Variants in TENM2 observed in about 807,000 individuals in gnomAD.
The protein encoded by TENM2 is teneurin transmembrane protein 2.
Under a neutral mutation model 245.2 loss-of-function variants are expected in TENM2, and 52 were observed. The observed-to-expected ratio is 0.21, with a 90% confidence interval of 0.17 to 0.27. TENM2 has a LOEUF of 0.27. Among genes scored for constraint, TENM2 ranks in the 10% least tolerant of loss-of-function variants. The pLI is 1.00. For missense variants in TENM2, 3,046 were observed against 3,666.8 expected, an observed-to-expected ratio of 0.83 and a Z score of 4.37; for synonymous variants, 1,363 against 1,438.9, an observed-to-expected ratio of 0.95 and a Z score of 1.19.
the TENM2 span, among the ~76,000 whole-genome samples, chr5:167,225,555 A>T: frequency 6.6e-6 from 1 of 151,940 alleles, no homozygotes. Flanking sequence ...GTGCTATTGG[A>T]TTCAGTTTGC....
intron 9 of TENM2, among the ~76,000 whole-genome samples, chr5:168,109,874 C>G (rs1227368976): frequency 1.3e-5 from 2 of 152,118 alleles, no homozygotes; most frequent in Non-Finnish European, 1.5e-5. Context: ...AGTTGCAGTG[C>G]ACATTATTTG....
the TENM2 span, among the ~76,000 whole-genome samples, chr5:167,057,493 G>A: frequency 2.0e-5 from 3 of 151,986 alleles, no homozygotes; most frequent in Non-Finnish European, 1.5e-5. Flanking sequence ...GGAGAGGGGT[G>A]TTTTATATTC....
chr5:167,120,313 A>G, the TENM2 span, among the ~76,000 whole-genome samples: 1 of 152,210 alleles, frequency 6.6e-6, no homozygotes, highest in African/African-American at 2.4e-5. Flanking sequence ...GCCAAACTAG[A>G]AAAAGCTAAA....
intron 2 of TENM2, among the ~76,000 whole-genome samples, chr5:167,652,147 C>T (rs1486399216): frequency 1.3e-5 from 2 of 152,192 alleles, no homozygotes; most frequent in Non-Finnish European, 2.9e-5. Context: ...ATAAACTAGA[C>T]TATGCCAAGA....
chr5:167,300,202 G>A (rs965465901), intron 1 of TENM2, among the ~76,000 whole-genome samples: 4 of 152,284 alleles, frequency 2.6e-5, no homozygotes, highest in South Asian at 4.1e-4. Flanking sequence ...GGGAGAGCAC[G>A]TGTGTTTTTA....
chr5:167,017,003 G>A, the TENM2 span, among the ~76,000 whole-genome samples: 1 of 152,156 alleles, frequency 6.6e-6, no homozygotes, highest in Non-Finnish European at 1.5e-5. Flanking sequence ...CCTAGCAAGA[G>A]GGAAGGGAAT....
chr5:167,644,648 T>G (rs1779814797), intron 2 of TENM2, among the ~76,000 whole-genome samples: 1 of 152,172 alleles, frequency 6.6e-6, no homozygotes, highest in African/African-American at 2.4e-5. Flanking sequence ...ATGAACAAAC[T>G]GAGGCTCAAA....
At chr5:167,725,179 T>TA (rs1241886104) in intron 2 of TENM2, among the ~76,000 whole-genome samples, 1 of 152,168 alleles carries the variant, frequency 6.6e-6, no homozygotes, top group Non-Finnish European at 1.5e-5. Context: ...ATTTTTTTTT[T>TA]ACCCCAAATG....
chr5:167,845,235 C>T (rs1214690206), intron 2 of TENM2, among the ~76,000 whole-genome samples: 1 of 100,476 alleles, frequency 1.0e-5, no homozygotes, highest in Non-Finnish European at 2.0e-5. Flanking sequence ...CCCCCCCTCC[C>T]GCGCCACACA....
At chr5:167,304,342 T>G (rs1755537712) in intron 1 of TENM2, among the ~76,000 whole-genome samples, 1 of 152,224 alleles carries the variant, frequency 6.6e-6, no homozygotes, top group African/African-American at 2.4e-5. Flanking sequence ...CACTGTTCCT[T>G]ACTCTTGCTC....
chr5:168,125,132 C>T, intron 11 of TENM2, 82 bp downstream of exon 13: 2 of 1,193,348 alleles, frequency 1.7e-6, no homozygotes, highest in South Asian at 1.4e-5. Flanking sequence ...TGGGAATCTA[C>T]TCTTAATACT....
intron 2 of TENM2, among the ~76,000 whole-genome samples, chr5:167,613,852 G>A (rs1217888139): frequency 6.6e-6 from 1 of 152,126 alleles, no homozygotes; most frequent in Non-Finnish European, 1.5e-5. Context: ...AAAATGCAAC[G>A]GTGGAAGAAA....
chr5:167,387,686 T>C (rs1229558603), intron 2 of TENM2, among the ~76,000 whole-genome samples: 1 of 152,264 alleles, frequency 6.6e-6, no homozygotes, highest in East Asian at 1.9e-4. Flanking sequence ...TTTTGAGGTA[T>C]GTCCCTTGTA....
chr5:167,016,304 G>T, the TENM2 span, among the ~76,000 whole-genome samples: 1 of 148,806 alleles, frequency 6.7e-6, no homozygotes, highest in African/African-American at 2.5e-5. Context: ...AAAAAAGAGG[G>T]AGAGAGGCCT....
At chr5:167,196,711 A>G in the TENM2 span, among the ~76,000 whole-genome samples, 1 of 151,962 alleles carries the variant, frequency 6.6e-6, no homozygotes, top group Non-Finnish European at 1.5e-5. Flanking sequence ...CAATATGAAA[A>G]TAAAAATAAC....
chr5:167,334,278 C>T (rs1321264759), intron 1 of TENM2, among the ~76,000 whole-genome samples: 1 of 152,128 alleles, frequency 6.6e-6, no homozygotes, highest in Non-Finnish European at 1.5e-5. Context: ...ATAATCTTAA[C>T]CAAACTTAAA....
chr5:167,256,729 G>A, the TENM2 span, among the ~76,000 whole-genome samples: 1 of 152,234 alleles, frequency 6.6e-6, no homozygotes, highest in African/African-American at 2.4e-5. Flanking sequence ...AAGCCAGAAA[G>A]AGGATAATAT....
chr5:167,353,278 G>T (rs1366026443), intron 1 of TENM2, among the ~76,000 whole-genome samples: 1 of 140,566 alleles, frequency 7.1e-6, no homozygotes, highest in Admixed American at 8.0e-5. Context: ...GGTGCTGAAC[G>T]TTTTGAAATT....
At chr5:167,807,124 TAAAAAAAAAAAAAAA>T (rs1178739925) in intron 2 of TENM2, among the ~76,000 whole-genome samples, 660 of 49,122 alleles carry the variant, frequency 0.013, 21 homozygotes, top group African/African-American at 0.05. Context: ...GCCCCTAGGT[TAAAAAAAAAAAAAAA>T]AAAAAAAAAA....
Sources: allele counts gnomAD v4.1 joint callset (sites outside exome capture counted in the v4.1 genomes callset), GRCh38; gene constraint gnomAD v4.1.1; transcripts MANE v1.5; gene names NCBI Gene and HGNC (gene_info 2026-07-23, HGNC 2026-07-21).